Variants in POLR3B observed in about 807,000 individuals in gnomAD.
POLR3B encodes RNA polymerase III subunit B.
A neutral mutation model predicts 147.4 loss-of-function variants in POLR3B; 96 were observed. The ratio of observed to expected loss-of-function variants is 0.65; its 90% CI spans 0.55 to 0.77. The LOEUF (loss-of-function observed/expected upper bound fraction) is 0.77, where lower values mean the gene tolerates loss of function less well. Among genes scored for constraint, POLR3B ranks in the 30% least tolerant of loss-of-function variants. The pLI, the probability that POLR3B is intolerant of heterozygous loss-of-function variation, is 0.00. For missense variants in POLR3B, 1,036 were observed against 1,413.5 expected, an observed-to-expected ratio of 0.73 and a Z score of 4.28; for synonymous variants, 461 against 485.9, an observed-to-expected ratio of 0.95 and a Z score of 0.67.
chr12:106,454,551 A>C lies in POLR3B; in HGVS notation c.2133A>C (p.Leu711=). 6.2e-7 allele frequency: 1 copy of C among 1,608,472 alleles called. No individual in the cohort carries two copies. The highest frequency in any genetic ancestry group is 8.5e-7 in the Non-Finnish European group (1 of 1,174,944). The change falls in exon 20 of 28, where the codon CTA becomes CTC. Residue 711 remains leucine, a synonymous_variant. Coordinates refer to ENST00000228347, the MANE Select transcript of POLR3B (RefSeq NM_018082.6). Reference sequence around the variant, plus strand: ...ACAGAATTGATACTCTCATGTATCTACTAGCATATCCACAAAAACCCATGG... The same window carrying C: ...ACAGAATTGATACTCTCATGTATCTCCTAGCATATCCACAAAAACCCATGG... ...QRNRIDTLMY[L]LAYPQKPMVK...
intron 10 of POLR3B, among the ~76,000 whole-genome samples, chr12:106,403,839 T>C (rs12819520): frequency 8.2e-5 from 12 of 146,476 alleles, no homozygotes; most frequent in African/African-American, 2.7e-4. Flanking sequence ...AGGGATAGCA[T>C]TGGGAGGTAA....
intron 10 of POLR3B, among the ~76,000 whole-genome samples, chr12:106,401,610 C>G (rs1422623822): frequency 1.3e-5 from 2 of 152,204 alleles, no homozygotes; most frequent in Non-Finnish European, 2.9e-5. Context: ...AAAGCTTATC[C>G]ACCATGATCA....
intron 1 of POLR3B, chr12:106,358,345 T>TG (rs1346092678): frequency 2.6e-6 from 2 of 773,166 alleles, no homozygotes; most frequent in African/African-American, 3.7e-5. Flanking sequence ...CAGCCGGCTG[T>TG]GGGGGTAAAA....
chr12:106,419,824 T>G (rs1463267008), intron 12 of POLR3B, among the ~76,000 whole-genome samples: 1 of 144,662 alleles, frequency 6.9e-6, no homozygotes, highest in African/African-American at 2.6e-5. Context: ...TTAATGAACT[T>G]GATATAACTG....
At chr12:106,501,050 C>G (rs2038592273) in intron 25 of POLR3B, among the ~76,000 whole-genome samples, 1 of 152,158 alleles carries the variant, frequency 6.6e-6, no homozygotes, top group African/African-American at 2.4e-5. Flanking sequence ...GGTGGCCTGA[C>G]CAGGGAGGTC....
At chr12:106,464,948 T>C (rs1171210090) in intron 23 of POLR3B, among the ~76,000 whole-genome samples, 2 of 152,240 alleles carry the variant, frequency 1.3e-5, no homozygotes, top group African/African-American at 4.8e-5. Context: ...TATTTTAGCC[T>C]GCCAATATTT....
At chr12:106,412,745 A>G (rs1295999656) in intron 12 of POLR3B, among the ~76,000 whole-genome samples, 1 of 152,212 alleles carries the variant, frequency 6.6e-6, no homozygotes, top group African/African-American at 2.4e-5. Flanking sequence ...ATTTGCAGGC[A>G]TATGCAGAAC....
At chr12:106,405,312 T>A (rs2037135706) in intron 10 of POLR3B, among the ~76,000 whole-genome samples, 1 of 152,198 alleles carries the variant, frequency 6.6e-6, no homozygotes, top group Admixed American at 6.5e-5. Flanking sequence ...TTGGTCAGTT[T>A]GGAGAGAATT....
intron 26 of POLR3B, among the ~76,000 whole-genome samples, chr12:106,501,880 C>T (rs2038607695): frequency 6.6e-6 from 1 of 152,164 alleles, no homozygotes; most frequent in Non-Finnish European, 1.5e-5. Flanking sequence ...GCATAAAGTA[C>T]CTCCACTTGC....
At chr12:106,486,287 CAAAAAAAAAAAAAAAAA>C (rs1195017160) in intron 23 of POLR3B, among the ~76,000 whole-genome samples, 5 of 28,264 alleles carry the variant, frequency 1.8e-4, no homozygotes, top group Non-Finnish European at 5.7e-4. Flanking sequence ...GACTCCGTCT[CAAAAAAAAAAAAAAAAA>C]AAAAAAAAAA....
chr12:106,457,473 C>T (rs2037879613), intron 21 of POLR3B, among the ~76,000 whole-genome samples, 177 bp downstream of exon 21: 1 of 152,274 alleles, frequency 6.6e-6, no homozygotes, highest in Non-Finnish European at 1.5e-5. Context: ...TTTTTCTATA[C>T]ACTATGTTTT....
rs762075246 is a variant in POLR3B, at chr12:106,369,296, G to C, written c.249G>C (p.Gly83=). 7 of 1,594,490 alleles carry C rather than the reference G, an allele frequency of 4.4e-6. No individual in the cohort carries two copies. Among genetic ancestry groups the C allele is most frequent in the Non-Finnish European group, 6.0e-6 (7 of 1,162,246 alleles). The part of the protein sequence containing the change: ...WYLKYLNIYV[G]LPDVEESFNV... ...TCAGATATCTTAATATCTATGTTGG[G>C]CTTCCTGATGTTGAAGAAAGCTTCA... The change falls in exon 5 of 28, where the codon GGG becomes GGC. Residue 83 remains glycine, a synonymous_variant. Coordinates refer to ENST00000228347, the MANE Select transcript of POLR3B (RefSeq NM_018082.6).
At chr12:106,408,489 A>G (rs1162996232) in intron 11 of POLR3B, among the ~76,000 whole-genome samples, 1 of 152,186 alleles carries the variant, frequency 6.6e-6, no homozygotes, top group Non-Finnish European at 1.5e-5. Flanking sequence ...GGGTCCCGGT[A>G]ATCTGTGTCT....
chr12:106,498,198 T>C (rs1401235864), intron 25 of POLR3B, among the ~76,000 whole-genome samples: 1 of 152,094 alleles, frequency 6.6e-6, no homozygotes, highest in African/African-American at 2.4e-5. Flanking sequence ...GAAGAGTGTT[T>C]AAGGGAGAGG....
At chr12:106,375,986 C>T (rs564961562) in intron 6 of POLR3B, among the ~76,000 whole-genome samples, 19 of 152,134 alleles carry the variant, frequency 1.2e-4, no homozygotes, top group Non-Finnish European at 2.5e-4. Context: ...CTGGGACTAC[C>T]GGCACACACC....
At chr12:106,437,905 ATCT>A (rs913448613) in intron 18 of POLR3B, 126 bp downstream of exon 18, 4 of 690,194 alleles carry the variant, frequency 5.8e-6, no homozygotes, top group Non-Finnish European at 1.0e-5. Flanking sequence ...GAAATATACA[ATCT>A]TCTTTTTTTT....
chr12:106,440,193 C>G (rs1430448093), intron 18 of POLR3B, among the ~76,000 whole-genome samples: 1 of 152,176 alleles, frequency 6.6e-6, no homozygotes, highest in African/African-American at 2.4e-5. Flanking sequence ...CCCTTTTTCT[C>G]TATATTGACA....
intron 12 of POLR3B, among the ~76,000 whole-genome samples, chr12:106,420,439 C>T (rs1593031269): frequency 6.6e-6 from 1 of 152,094 alleles, no homozygotes; most frequent in African/African-American, 2.4e-5. Context: ...TTCAGCTTCC[C>T]AGTGTGGCTT....
chr12:106,449,862 G>A (rs1048606493), intron 19 of POLR3B, among the ~76,000 whole-genome samples: 1 of 152,136 alleles, frequency 6.6e-6, no homozygotes, highest in East Asian at 1.9e-4. Flanking sequence ...AATATAGTAA[G>A]TCATGTTTCA....
Sources: allele counts gnomAD v4.1 joint callset (sites outside exome capture counted in the v4.1 genomes callset), GRCh38; gene constraint gnomAD v4.1.1; transcripts MANE v1.5; gene names NCBI Gene and HGNC (gene_info 2026-07-23, HGNC 2026-07-21).